The following PDE6B variants were observed in gnomAD, a reference collection of about 807,000 sequenced individuals.
PDE6B encodes rod cGMP-specific 3',5'-cyclic phosphodiesterase subunit beta.
In PDE6B, 106 loss-of-function variants were observed where a neutral mutation model predicts 109.0. The ratio of observed to expected loss-of-function variants is 0.97; its 90% confidence interval spans 0.83 to 1.14. PDE6B has a LOEUF of 1.14. Among genes scored for constraint, PDE6B ranks in the 50% most tolerant of loss-of-function variants. PDE6B has a pLI of 0.00. For missense variants in PDE6B, 1,193 were observed against 1,155.6 expected, an observed-to-expected ratio of 1.03 and a Z score of -0.47; for synonymous variants, 490 against 471.3, an observed-to-expected ratio of 1.04 and a Z score of -0.51.
intron 20 of PDE6B, among the ~76,000 whole-genome samples, chr4:667,600 C>G (rs1737942915): frequency 6.6e-6 from 1 of 152,326 alleles, no homozygotes; most frequent in Middle Eastern, 3.4e-3. Flanking sequence ...CTGTTCTGCT[C>G]ATTCTTGGGT....
In PDE6B at chr4:666,413, G is replaced by A. The variant is rs1381654366; in HGVS notation, c.2269-118G>A. The A allele has an allele frequency of 5.4e-6, 4 of 741,434 alleles. No homozygotes were observed. The Admixed American group carries it at 5.6e-5, about 10-fold the overall frequency. 45.9% of individuals were successfully genotyped at this position (741,434 alleles called of 1,614,324 possible). A position where few individuals can be genotyped will look rare whatever the true frequency, so the allele number is the denominator to read the frequency against. On this transcript the variant is annotated intron_variant, in intron 19 of 21. Coordinates refer to ENST00000496514, the MANE Select transcript of PDE6B (RefSeq NM_000283.4). The surrounding 1 kb of genome is among the most constrained non-coding windows in gnomAD (Gnocchi z 5.6). The stretch of plus-strand genomic sequence containing the variant: ...CCGAGAGCCAGTTTCTGTCAGGCAG[G>A]CTCGTCCCAGGCTGTGTCTCCATGA...
At position 641,298 on chromosome 4, in the gene PDE6B, A is replaced by C. The variant is rs149650903; in HGVS notation, c.711+5329A>C. 3.3e-3 allele frequency among the ~76,000 whole-genome samples: 501 copies of C among 152,286 alleles called. 1 individual carries two copies. The highest frequency in any genetic ancestry group is 0.01 in the Middle Eastern group (3 of 294). On this transcript the variant is annotated intron_variant, in intron 3 of 21. Coordinates refer to ENST00000496514, the MANE Select transcript of PDE6B (RefSeq NM_000283.4). The stretch of plus-strand genomic sequence containing the variant: ...TCATTTTCCCATGGTAATGTAAGAG[A>C]TATTGGGTTCTTAATTTCAAATTCC...
Position 663,087 on chromosome 4 carries a change from A to G in PDE6B, c.1833-13A>G. ...AGGTCCCACGGGCCTCACCTCCACC[A>G]CCTGTGTAACAGGTCCCAGAACCCC... On this transcript the variant is annotated splice_polypyrimidine_tract_variant and intron_variant, in intron 14 of 21. Transcript: ENST00000496514. This position sits in a 1 kb window ranked among gnomAD's most constrained non-coding sequence, Gnocchi z 4.0. 2 of 1,544,474 alleles carry G rather than the reference A, an allele frequency of 1.3e-6. No individual in the cohort carries two copies. Among genetic ancestry groups the G allele is most frequent in the Non-Finnish European group, 1.8e-6 (2 of 1,116,762 alleles).
chr4:656,814 ACACGCC>A, intron 8 of PDE6B, 54 bp from the exon 9 acceptor site: 1 of 1,567,868 alleles, frequency 6.4e-7, no homozygotes, highest in Admixed American at 1.7e-5. Flanking sequence ...CTCCCCGGCC[ACACGCC>A]CGGGCCAGGG....
chr4:655,542 C>T lies in PDE6B; in HGVS notation c.993-398C>T, dbSNP rs1560120925. ...TACGGCCTCCGGAGAGGGAGGGGTT[C>T]CCAAGAGGGAGGGGCCCCAGCACGG... On this transcript the variant is annotated intron_variant, in intron 6 of 21. Transcript: ENST00000496514. 8.3e-6 allele frequency: 3 copies of T among 362,362 alleles called. No individual in the cohort carries two copies. In the East Asian group the frequency reaches 2.1e-4, roughly 26 times the overall value. 22.4% of individuals were successfully genotyped at this position (362,362 alleles called of 1,614,324 possible).
chr4:667,782 G>A, intron 20 of PDE6B, 74 bp from the exon 21 acceptor site: 1 of 1,493,416 alleles, frequency 6.7e-7, no homozygotes, highest in Non-Finnish European at 9.3e-7. Flanking sequence ...AGGGGGATGA[G>A]CTGGGGAAGG....
chr4:653,948 T>G lies in PDE6B; in HGVS notation c.808T>G (p.Cys270Gly), dbSNP rs774454585. ...CTACACGGTGCGGGCCTACCTCAAC[T>G]GCGAGCGGTACTCCGTGGGCCTCCT... Reference protein sequence around the residue: ...AFYTVRAYLNCERYSVGLLDM... With the variant: ...AFYTVRAYLNGERYSVGLLDM... Residue 270 changes from cysteine (C) to glycine (G), a missense_variant, in exon 4 of 22, where the codon TGC becomes GGC. Cys to Gly is a radical substitution (Grantham distance 159). Coordinates refer to ENST00000496514, the MANE Select transcript of PDE6B (RefSeq NM_000283.4). The G allele has an allele frequency of 6.2e-7, 1 of 1,613,844 alleles. No individual in the cohort carries two copies. The highest frequency in any genetic ancestry group is 8.5e-7 in the Non-Finnish European group (1 of 1,180,010).
chr4:637,896 C>T (rs893793523), intron 3 of PDE6B, among the ~76,000 whole-genome samples: 2 of 152,236 alleles, frequency 1.3e-5, no homozygotes, highest in African/African-American at 4.8e-5. Flanking sequence ...TGGGAGCTGT[C>T]CTCCGCACAG....
rs1577274307 is a variant in PDE6B, at chr4:654,631, G to T, written c.928-193G>T. ...AGCCTGTGCATGTGTGGACATGGGT[G>T]TGAGTGCACCCGCATTCGTAGAATA... On this transcript the variant is annotated intron_variant, in intron 5 of 21. Coordinates refer to ENST00000496514, the MANE Select transcript of PDE6B (RefSeq NM_000283.4). The T allele has an allele frequency of 2.4e-5, 16 of 667,724 alleles. No homozygotes were observed. In the East Asian group the frequency reaches 4.3e-4, roughly 18 times the overall value. The allele number at this position is 667,724 out of a possible 1,614,324, so 41.4% of individuals were successfully genotyped here.
intron 3 of PDE6B, among the ~76,000 whole-genome samples, chr4:647,168 A>G (rs1735246862): frequency 6.6e-6 from 1 of 152,002 alleles, no homozygotes; most frequent in Non-Finnish European, 1.5e-5. Flanking sequence ...TGATCATAGT[A>G]ATTTTAAATT....
At chr4:641,548 C>A (rs749034173) in intron 3 of PDE6B, among the ~76,000 whole-genome samples, 1 of 152,212 alleles carries the variant, frequency 6.6e-6, no homozygotes, top group Admixed American at 6.5e-5. Context: ...TTGGGCTGTG[C>A]GGCAGGGGCA....
At position 635,983 on chromosome 4, in the gene PDE6B, G is replaced by A; in HGVS notation, c.711+14G>A. Reference sequence around the variant, plus strand: ...CGCCGCGGCCAGGTACCCACACGCTGAGCACAGCTCTGCCCACGAGGGCCA... The same window carrying A: ...CGCCGCGGCCAGGTACCCACACGCTAAGCACAGCTCTGCCCACGAGGGCCA... On this transcript the variant is annotated intron_variant, in intron 3 of 21. Coordinates refer to ENST00000496514, the MANE Select transcript of PDE6B (RefSeq NM_000283.4). 4.0e-6 allele frequency: 6 copies of A among 1,506,880 alleles called. No homozygotes were observed. The highest frequency in any genetic ancestry group is 1.4e-5 in the African/African-American group (1 of 72,994). 93.3% of individuals were successfully genotyped at this position (1,506,880 alleles called of 1,614,324 possible).
At chr4:649,425 G>T (rs1735381120) in intron 3 of PDE6B, among the ~76,000 whole-genome samples, 1 of 152,202 alleles carries the variant, frequency 6.6e-6, no homozygotes, top group South Asian at 2.1e-4. Flanking sequence ...CAGAAACAAG[G>T]CTCCTGGGGC....
chr4:640,400 A>G (rs1002025902), intron 3 of PDE6B, among the ~76,000 whole-genome samples: 1 of 152,070 alleles, frequency 6.6e-6, no homozygotes, highest in Non-Finnish European at 1.5e-5. Flanking sequence ...TTAGCCAGGC[A>G]TGGTGGCGGG....
At chr4:631,432 T>C (rs1168081999) in intron 1 of PDE6B, among the ~76,000 whole-genome samples, 3 of 151,098 alleles carry the variant, frequency 2.0e-5, no homozygotes, top group African/African-American at 7.3e-5. Context: ...AAGAGTCACA[T>C]TGTGTGGATC....
chr4:662,499 G>A lies in PDE6B; in HGVS notation c.1723-10G>A, dbSNP rs756679102. On this transcript the variant is annotated splice_polypyrimidine_tract_variant and intron_variant, in intron 13 of 21. Coordinates refer to ENST00000496514, the MANE Select transcript of PDE6B (RefSeq NM_000283.4). The surrounding 1 kb of genome is among the most constrained non-coding windows in gnomAD (Gnocchi z 4.3). ...CAGGACCGGTGAGCAAGGTGGCCCT[G>A]TCTCTACAGACCGGCAAACTGAAGA... The A allele has an allele frequency of 6.3e-7, 1 of 1,588,644 alleles. No homozygotes were observed. Among genetic ancestry groups the A allele is most frequent in the Non-Finnish European group, 8.6e-7 (1 of 1,157,484 alleles).
chr4:627,198 T>C (rs1215418781), intron 1 of PDE6B, among the ~76,000 whole-genome samples: 1 of 149,436 alleles, frequency 6.7e-6, no homozygotes, highest in African/African-American at 2.5e-5. Context: ...CAGGCTGGAG[T>C]ACAGTGGCAT....
intron 3 of PDE6B, among the ~76,000 whole-genome samples, chr4:649,802 C>T (rs1289479424): frequency 6.6e-6 from 1 of 152,146 alleles, no homozygotes; most frequent in Non-Finnish European, 1.5e-5. Context: ...GTGGGGATCC[C>T]ATCTGCCCTG....
At position 653,863 on chromosome 4, in the gene PDE6B, G is replaced by T. The variant is rs1064796921; in HGVS notation, c.723G>T (p.Trp241Cys). ...CETRRGQVLLWSANKVFEELT... is the reference protein window; with the variant it reads ...CETRRGQVLLCSANKVFEELT... ...GCCCCTCCCTCCAGGTGCTGCTGTG[G>T]TCGGCCAACAAGGTGTTTGAGGAGC... The change falls in exon 4 of 22, where the codon TGG (tryptophan) becomes TGT (cysteine). Residue 241 changes from tryptophan to cysteine, a missense_variant. Trp to Cys is a radical substitution (Grantham distance 215, BLOSUM62 -2). Transcript: ENST00000496514. The T allele has an allele frequency of 6.2e-7, 1 of 1,613,588 alleles. No homozygotes were observed. Among genetic ancestry groups the T allele is most frequent in the Non-Finnish European group, 8.5e-7 (1 of 1,180,038 alleles).
Sources: gnomAD v4.1 joint callset for allele counts (sites outside exome capture counted in the v4.1 genomes callset) on GRCh38, gnomAD v4.1.1 for gene constraint, Gnocchi (gnomAD v3.1) non-coding constraint, MANE v1.5 for transcripts, NCBI Gene and HGNC (gene_info 2026-07-23, HGNC 2026-07-21) for gene names.